The following GPC5 variants were observed in gnomAD, a reference collection of about 807,000 sequenced individuals.
GPC5 encodes the protein glypican 5.
Under a neutral mutation model 53.9 loss-of-function variants are expected in GPC5, and 47 were observed. That is an observed-to-expected ratio of 0.87 (90% CI 0.69 to 1.11). The LOEUF (loss-of-function observed/expected upper bound fraction) is 1.11, where lower values mean the gene tolerates loss of function less well. Ranked by LOEUF, GPC5 falls within the 50% of genes most tolerant of loss-of-function variation. The pLI is 0.00. For missense variants in GPC5, 748 were observed against 713.1 expected (o/e 1.05, Z -0.56); for synonymous variants, 286 against 263.3 (o/e 1.09, Z -0.84).
chr13:92,333,169 C>A (rs946937074), intron 7 of GPC5, among the ~76,000 whole-genome samples: 1 of 152,092 alleles, frequency 6.6e-6, no homozygotes. Flanking sequence ...CCAGGGGAAC[C>A]CACAAAATGG....
intron 2 of GPC5, among the ~76,000 whole-genome samples, chr13:91,607,299 A>T (rs1329848314): frequency 6.6e-6 from 1 of 152,210 alleles, no homozygotes; most frequent in Non-Finnish European, 1.5e-5. Flanking sequence ...TTGCTGAAGC[A>T]GGCATTTCGT....
intron 6 of GPC5, among the ~76,000 whole-genome samples, chr13:91,911,826 C>T (rs1180585344): frequency 1.3e-5 from 2 of 152,100 alleles, no homozygotes; most frequent in Non-Finnish European, 2.9e-5. Flanking sequence ...AGGATGATAG[C>T]AAGGTTTGGT....
intron 7 of GPC5, among the ~76,000 whole-genome samples, chr13:92,514,079 A>T (rs1039614399): frequency 6.6e-6 from 1 of 152,108 alleles, no homozygotes; most frequent in African/African-American, 2.4e-5. Flanking sequence ...AGGCTAAAAA[A>T]ATATAAAAAC....
At chr13:92,256,277 T>C (rs1210498377) in intron 7 of GPC5, among the ~76,000 whole-genome samples, 1 of 152,022 alleles carries the variant, frequency 6.6e-6, no homozygotes. Flanking sequence ...TATGGGACTA[T>C]ATAACTTATT....
chr13:91,628,168 C>A (rs981375763), intron 2 of GPC5, among the ~76,000 whole-genome samples: 1 of 152,110 alleles, frequency 6.6e-6, no homozygotes, highest in Non-Finnish European at 1.5e-5. Flanking sequence ...TATGTATCAG[C>A]ATTCTGAACT....
intron 7 of GPC5, among the ~76,000 whole-genome samples, chr13:92,363,735 T>C (rs1594134802): frequency 1.3e-5 from 2 of 151,842 alleles, no homozygotes; most frequent in Middle Eastern, 6.8e-3. Flanking sequence ...TTTGGGTAAC[T>C]TAACTGAATG....
At chr13:92,406,151 CTG>C (rs1351096459) in intron 7 of GPC5, among the ~76,000 whole-genome samples, 1 of 152,194 alleles carries the variant, frequency 6.6e-6, no homozygotes. Context: ...GAACTAACGA[CTG>C]TGAATTATTC....
At chr13:91,926,994 T>G (rs1249745914) in intron 6 of GPC5, among the ~76,000 whole-genome samples, 1 of 152,250 alleles carries the variant, frequency 6.6e-6, no homozygotes, top group East Asian at 1.9e-4. Flanking sequence ...GAAAGGAACA[T>G]CTACTGAAAT....
At position 92,507,976 on chromosome 13, in the gene GPC5, T is replaced by A. The variant is rs184982637; in HGVS notation, c.1562-358306T>A. 2.4e-4 allele frequency among the ~76,000 whole-genome samples: 37 copies of A among 152,288 alleles called. No homozygotes were observed. The East Asian group carries it at 6.0e-3, about 25-fold the overall frequency. On this transcript the variant is annotated intron_variant, in intron 7 of 7. Transcript: ENST00000377067. ...AATTTAATTAATTAATTTAGTTTTTTGTTGTTGAGCTGGAGTCTCACTCTG... is the reference window on the plus strand; with the variant it reads ...AATTTAATTAATTAATTTAGTTTTTAGTTGTTGAGCTGGAGTCTCACTCTG...
chr13:92,084,656 GACA>G (rs1370979284), intron 6 of GPC5, among the ~76,000 whole-genome samples: 2 of 152,102 alleles, frequency 1.3e-5, no homozygotes, highest in African/African-American at 4.8e-5. Flanking sequence ...TGTAAATGCA[GACA>G]ACATTATCTA....
intron 4 of GPC5, among the ~76,000 whole-genome samples, chr13:91,739,017 G>T (rs1210616734): frequency 7.3e-5 from 11 of 151,352 alleles, no homozygotes; most frequent in African/African-American, 2.5e-4. Context: ...TACAGGTGAT[G>T]AATTTTTGCA....
chr13:92,654,753 C>CA (rs36012771), intron 7 of GPC5, among the ~76,000 whole-genome samples: 53,425 of 148,216 alleles, frequency 0.36, 11,517 homozygotes, highest in East Asian at 0.75. Context: ...TTGTATTCAT[C>CA]AAAAAAAAAA....
intron 7 of GPC5, among the ~76,000 whole-genome samples, chr13:92,523,587 T>G (rs1881153158): frequency 6.6e-6 from 1 of 152,136 alleles, no homozygotes; most frequent in Non-Finnish European, 1.5e-5. Flanking sequence ...GCAAAATTTC[T>G]AGGTCTTCCA....
chr13:91,761,649 A>G (rs917805320), intron 5 of GPC5, among the ~76,000 whole-genome samples: 1 of 152,156 alleles, frequency 6.6e-6, no homozygotes, highest in Admixed American at 6.6e-5. Context: ...GATATTACAA[A>G]GGCTACAGAT....
At chr13:91,828,289 C>A (rs1217656074) in intron 5 of GPC5, among the ~76,000 whole-genome samples, 1 of 152,026 alleles carries the variant, frequency 6.6e-6, no homozygotes, top group Non-Finnish European at 1.5e-5. Flanking sequence ...TACTCACACT[C>A]ACCCCTCATA....
chr13:91,508,283 G>C (rs1415253739), intron 2 of GPC5, among the ~76,000 whole-genome samples: 1 of 152,172 alleles, frequency 6.6e-6, no homozygotes, highest in African/African-American at 2.4e-5. Context: ...TTAAAGAATG[G>C]AGGTATTGAG....
intron 7 of GPC5, among the ~76,000 whole-genome samples, chr13:92,207,799 G>T (rs961687715): frequency 4.6e-5 from 7 of 152,126 alleles, no homozygotes; most frequent in Non-Finnish European, 1.0e-4. Flanking sequence ...CTGTGAATTG[G>T]TTGTCCAAGT....
intron 2 of GPC5, among the ~76,000 whole-genome samples, chr13:91,557,435 T>A (rs1263863091): frequency 6.6e-6 from 1 of 152,142 alleles, no homozygotes; most frequent in African/African-American, 2.4e-5. Context: ...ATCTATTTTG[T>A]ACCTGCCTCT....
At chr13:92,333,727 G>C (rs1472531339) in intron 7 of GPC5, among the ~76,000 whole-genome samples, 1 of 152,004 alleles carries the variant, frequency 6.6e-6, no homozygotes, top group East Asian at 1.9e-4. Context: ...CAGTTATCAA[G>C]AAAGAATTGC....
Sources: gnomAD v4.1 joint callset for allele counts (sites outside exome capture counted in the v4.1 genomes callset) on GRCh38, gnomAD v4.1.1 for gene constraint, MANE v1.5 for transcripts, NCBI Gene and HGNC (gene_info 2026-07-23, HGNC 2026-07-21) for gene names.